The following DENND1B variants were observed in gnomAD, a reference collection of about 807,000 sequenced individuals.
DENND1B encodes DENN domain containing 1B.
DENND1B carries 59 observed loss-of-function variants against 90.1 expected under a neutral mutation model. The observed-to-expected ratio is 0.65, with a 90% CI of 0.53 to 0.81. The LOEUF (loss-of-function observed/expected upper bound fraction) is 0.81, where lower values mean the gene tolerates loss of function less well. DENND1B is among the 40% of genes least tolerant of loss of function. DENND1B has a pLI of 0.00. For synonymous variants in DENND1B, 337 were observed against 324.6 expected (o/e 1.04, Z -0.41); for missense variants, 862 against 912.6 (o/e 0.94, Z 0.71).
chr1:197,516,785 T>C (rs1259141387), intron 20 of DENND1B, among the ~76,000 whole-genome samples: 2 of 151,786 alleles, frequency 1.3e-5, no homozygotes. Flanking sequence ...ATATCATTAT[T>C]AAAAACATGC....
intron 3 of DENND1B, among the ~76,000 whole-genome samples, chr1:197,704,046 C>T (rs796938967): frequency 5.9e-5 from 9 of 152,238 alleles, no homozygotes; most frequent in African/African-American, 1.9e-4. Flanking sequence ...GAGTTCACGA[C>T]CAGCCTGGGC....
intron 7 of DENND1B, among the ~76,000 whole-genome samples, chr1:197,649,611 A>G (rs1652890442): frequency 6.6e-6 from 1 of 152,190 alleles, no homozygotes; most frequent in African/African-American, 2.4e-5. Context: ...AAAAACATAA[A>G]GCAGAGAAAT....
At chr1:197,637,213 T>C (rs1224574766) in intron 10 of DENND1B, among the ~76,000 whole-genome samples, 1 of 152,002 alleles carries the variant, frequency 6.6e-6, no homozygotes, top group Non-Finnish European at 1.5e-5. Flanking sequence ...ACATTATCAC[T>C]GTCTGTAAGC....
intron 15 of DENND1B, among the ~76,000 whole-genome samples, chr1:197,562,949 A>T (rs1044041547): frequency 6.6e-6 from 1 of 151,946 alleles, no homozygotes; most frequent in Admixed American, 6.6e-5. Context: ...GAGCCATGAC[A>T]TTCCCCTAAG....
At chr1:197,759,262 C>A (rs1336646676) in intron 2 of DENND1B, among the ~76,000 whole-genome samples, 5 of 150,982 alleles carry the variant, frequency 3.3e-5, no homozygotes, top group East Asian at 1.9e-4. Flanking sequence ...AGCCACCATA[C>A]CTGGCCTTAA....
At chr1:197,595,552 C>G (rs1458901585) in intron 13 of DENND1B, among the ~76,000 whole-genome samples, 3 of 151,976 alleles carry the variant, frequency 2.0e-5, no homozygotes, top group Non-Finnish European at 4.4e-5. Flanking sequence ...TTGGTTTATG[C>G]TCTCTTTTTT....
intron 2 of DENND1B, among the ~76,000 whole-genome samples, chr1:197,722,713 AG>A (rs1661295012): frequency 6.6e-6 from 1 of 152,164 alleles, no homozygotes; most frequent in African/African-American, 2.4e-5. Context: ...ATTCACACAA[AG>A]ACCTCACAGA....
chr1:197,622,124 G>A (rs1411703892), intron 10 of DENND1B, among the ~76,000 whole-genome samples: 1 of 151,322 alleles, frequency 6.6e-6, no homozygotes, highest in Admixed American at 6.6e-5. Context: ...ATAGAACAAA[G>A]GCATTTGAAA....
At chr1:197,654,074 A>G (rs1653538006) in intron 6 of DENND1B, among the ~76,000 whole-genome samples, 1 of 152,230 alleles carries the variant, frequency 6.6e-6, no homozygotes, top group Non-Finnish European at 1.5e-5. Context: ...ATATACAGAA[A>G]AATATTTACA....
At chr1:197,756,046 T>C (rs1272097091) in intron 2 of DENND1B, among the ~76,000 whole-genome samples, 1 of 152,192 alleles carries the variant, frequency 6.6e-6, no homozygotes, top group Non-Finnish European at 1.5e-5. Flanking sequence ...TAGGGAAATA[T>C]ACACAATGTA....
intron 3 of DENND1B, among the ~76,000 whole-genome samples, chr1:197,686,558 C>T (rs188784083): frequency 4.6e-5 from 7 of 152,176 alleles, no homozygotes; most frequent in Admixed American, 1.3e-4. Flanking sequence ...TGTGACACCT[C>T]GCTCAATGAC....
chr1:197,584,411 T>C (rs1674510266), intron 14 of DENND1B, among the ~76,000 whole-genome samples: 5 of 152,312 alleles, frequency 3.3e-5, no homozygotes, highest in Admixed American at 2.0e-4. Context: ...TCCTCAGTCA[T>C]ACTAGCCACA....
At chr1:197,635,537 T>C (rs765075156) in intron 10 of DENND1B, among the ~76,000 whole-genome samples, 8 of 151,540 alleles carry the variant, frequency 5.3e-5, no homozygotes, top group Non-Finnish European at 1.0e-4. Context: ...AGGGTCTCAC[T>C]ACATTGCGCA....
intron 18 of DENND1B, among the ~76,000 whole-genome samples, chr1:197,541,591 C>T (rs944798844): frequency 1.3e-5 from 2 of 152,174 alleles, no homozygotes; most frequent in Non-Finnish European, 2.9e-5. Flanking sequence ...TTCTCACATC[C>T]TGCTGTGATT....
chr1:197,681,868 CAT>C (rs1175445029), intron 3 of DENND1B, among the ~76,000 whole-genome samples: 1 of 152,088 alleles, frequency 6.6e-6, no homozygotes, highest in Non-Finnish European at 1.5e-5. Context: ...CTGCCCAGGC[CAT>C]ATATTAGAAA....
At chr1:197,645,441 T>C (rs1680644972) in intron 9 of DENND1B, among the ~76,000 whole-genome samples, 1 of 152,000 alleles carries the variant, frequency 6.6e-6, no homozygotes, top group African/African-American at 2.4e-5. Flanking sequence ...ATGATAGAAA[T>C]AGTTTTCCTT....
intron 9 of DENND1B, among the ~76,000 whole-genome samples, chr1:197,645,396 T>C (rs1572176808): frequency 1.3e-5 from 2 of 152,154 alleles, no homozygotes; most frequent in Admixed American, 6.5e-5. Context: ...GAAGACCTAA[T>C]TGAATATATA....
intron 15 of DENND1B, among the ~76,000 whole-genome samples, chr1:197,562,480 T>C (rs762552647): frequency 6.6e-6 from 1 of 151,916 alleles, no homozygotes; most frequent in African/African-American, 2.4e-5. Flanking sequence ...GATTATATTA[T>C]ATGATTATAG....
chr1:197,669,218 A>G (rs1655242582), intron 5 of DENND1B, among the ~76,000 whole-genome samples: 1 of 152,112 alleles, frequency 6.6e-6, no homozygotes, highest in Non-Finnish European at 1.5e-5. Flanking sequence ...AAATACACAA[A>G]TCTTTTAGGG....
Sources: gnomAD v4.1 joint callset for allele counts (sites outside exome capture counted in the v4.1 genomes callset) on GRCh38, gnomAD v4.1.1 for gene constraint, MANE v1.5 for transcripts, NCBI Gene and HGNC (gene_info 2026-07-23, HGNC 2026-07-21) for gene names.